The following KCNMB2 variants were observed in gnomAD, a reference collection of about 807,000 sequenced individuals.
KCNMB2 encodes calcium-activated potassium channel subunit beta-2.
Under a neutral mutation model 24.5 loss-of-function variants are expected in KCNMB2, and 9 were observed. The ratio of observed to expected loss-of-function variants is 0.37; its 90% CI spans 0.22 to 0.64. The LOEUF (loss-of-function observed/expected upper bound fraction) is 0.64, where lower values mean the gene tolerates loss of function less well. KCNMB2 is among the 30% of genes least tolerant of loss of function. The probability of loss-of-function intolerance (pLI) is 0.63; values close to 1 mark genes in which losing one functional copy is unlikely to be tolerated. For synonymous variants in KCNMB2, 109 were observed against 104.4 expected, an observed-to-expected ratio of 1.04 and a Z score of -0.27; for missense variants, 226 against 284.3, an observed-to-expected ratio of 0.79 and a Z score of 1.47.
At chr3:178,796,877 A>G (rs1051738255) in intron 1 of KCNMB2, among the ~76,000 whole-genome samples, 2 of 150,720 alleles carry the variant, frequency 1.3e-5, no homozygotes, top group Non-Finnish European at 2.9e-5. Context: ...CATTCTTAAT[A>G]AAAGAAAAGA....
In KCNMB2 at chr3:178,704,248, G is replaced by A. The variant is rs73047890; in HGVS notation, c.-67-103095G>A. Among the ~76,000 whole-genome samples the A allele has an allele frequency of 1.7e-3, 259 of 151,960 alleles. 1 individual carries two copies. The highest frequency in any genetic ancestry group is 6.0e-3 in the African/African-American group (247 of 41,442). On this transcript the variant is annotated intron_variant, in intron 1 of 4. Transcript: ENST00000452583. ...CATTTTCTGACAGTTCAAACTCATCGTGGCAGCTCCCAAGCAGAGAGGTCA... is the reference window on the plus strand; with the variant it reads ...CATTTTCTGACAGTTCAAACTCATCATGGCAGCTCCCAAGCAGAGAGGTCA...
intron 2 of KCNMB2, among the ~76,000 whole-genome samples, chr3:178,823,844 G>T (rs1180624726): frequency 2.0e-5 from 3 of 152,066 alleles, no homozygotes; most frequent in Admixed American, 2.0e-4. Context: ...CAACAAGAGC[G>T]ATTAGCCATA....
chr3:178,768,143 G>T (rs781601642), intron 1 of KCNMB2, among the ~76,000 whole-genome samples: 1 of 152,062 alleles, frequency 6.6e-6, no homozygotes, highest in African/African-American at 2.4e-5. Flanking sequence ...ATATTTTCTA[G>T]GTACTTGCTG....
chr3:178,814,312 T>C (rs1489316300), intron 2 of KCNMB2, among the ~76,000 whole-genome samples: 1 of 152,200 alleles, frequency 6.6e-6, no homozygotes, highest in Non-Finnish European at 1.5e-5. Context: ...GCAAATGACA[T>C]GATTTCATTC....
intron 1 of KCNMB2, among the ~76,000 whole-genome samples, chr3:178,566,198 GT>G (rs1462684566): frequency 6.6e-6 from 1 of 152,110 alleles, no homozygotes; most frequent in African/African-American, 2.4e-5. Flanking sequence ...AAGGTCTATG[GT>G]AGTCTATAAC....
At position 178,842,957 on chromosome 3, in the gene KCNMB2, A is replaced by G. The variant is rs766206908; in HGVS notation, c.*20A>G. On this transcript the variant is annotated 3_prime_UTR_variant, in exon 5 of 5. Coordinates refer to ENST00000452583, the MANE Select transcript of KCNMB2 (RefSeq NM_181361.3). The stretch of plus-strand genomic sequence containing the variant: ...AGATAAATGCAAAAATGGATAAAAT[A>G]ATTTTTGTTAAAGCTCAAATACTGT... 12 of 1,577,606 alleles carry G rather than the reference A, an allele frequency of 7.6e-6. No homozygotes were observed. The highest frequency in any genetic ancestry group is 1.0e-5 in the Non-Finnish European group (12 of 1,158,532).
At chr3:178,772,529 C>T (rs556834055) in intron 1 of KCNMB2, among the ~76,000 whole-genome samples, 2 of 152,282 alleles carry the variant, frequency 1.3e-5, no homozygotes, top group South Asian at 4.1e-4. Flanking sequence ...GTGTCTTTCA[C>T]CTTCTGCCAT....
intron 1 of KCNMB2, among the ~76,000 whole-genome samples, chr3:178,705,598 C>A (rs1196962231): frequency 1.3e-5 from 2 of 152,028 alleles, no homozygotes; most frequent in Non-Finnish European, 2.9e-5. Flanking sequence ...AAAATAAGTT[C>A]CAGATACATA....
intron 1 of KCNMB2, among the ~76,000 whole-genome samples, chr3:178,691,372 C>T (rs1301505359): frequency 6.6e-6 from 1 of 151,266 alleles, no homozygotes; most frequent in African/African-American, 2.4e-5. Context: ...GCTTAGTACC[C>T]ATTAGTTATT....
At chr3:178,807,670 A>T (rs998211176) in intron 2 of KCNMB2, among the ~76,000 whole-genome samples, 7 of 152,092 alleles carry the variant, frequency 4.6e-5, no homozygotes, top group African/African-American at 1.4e-4. Flanking sequence ...TAGCTTTGCA[A>T]AAGTTGTTCC....
chr3:178,749,091 T>A (rs1723760378), intron 1 of KCNMB2: 1 of 152,202 alleles, frequency 6.6e-6, no homozygotes, highest in Non-Finnish European at 1.5e-5. Context: ...AACAGCATGG[T>A]CCCGAGAGTC....
intron 1 of KCNMB2, among the ~76,000 whole-genome samples, chr3:178,631,720 TACTA>T (rs1184261566): frequency 6.6e-6 from 1 of 152,252 alleles, no homozygotes; most frequent in East Asian, 1.9e-4. Context: ...AAAATGGGAC[TACTA>T]ACTAAAATTC....
intron 1 of KCNMB2, among the ~76,000 whole-genome samples, chr3:178,712,184 C>T (rs1028765358): frequency 2.0e-5 from 3 of 152,120 alleles, no homozygotes; most frequent in Admixed American, 2.0e-4. Flanking sequence ...CACTTTTTTC[C>T]CAACAGAAAA....
At chr3:178,772,491 T>G (rs891009915) in intron 1 of KCNMB2, among the ~76,000 whole-genome samples, 4 of 152,196 alleles carry the variant, frequency 2.6e-5, no homozygotes, top group African/African-American at 9.6e-5. Flanking sequence ...GCACAAGCTC[T>G]CTTGTCTTGT....
At chr3:178,726,276 A>G (rs1182978894) in intron 1 of KCNMB2, among the ~76,000 whole-genome samples, 2 of 152,070 alleles carry the variant, frequency 1.3e-5, no homozygotes, top group East Asian at 1.9e-4. Context: ...TGAAAACCTC[A>G]TATGACAATG....
intron 1 of KCNMB2, among the ~76,000 whole-genome samples, chr3:178,749,632 G>A (rs1723777682): frequency 6.6e-6 from 1 of 152,192 alleles, no homozygotes; most frequent in South Asian, 2.1e-4. Flanking sequence ...TTGAAGATAT[G>A]ATGCTGGCAC....
At chr3:178,630,203 A>G (rs1458356307) in intron 1 of KCNMB2, among the ~76,000 whole-genome samples, 2 of 152,226 alleles carry the variant, frequency 1.3e-5, no homozygotes, top group Non-Finnish European at 2.9e-5. Context: ...CCATGACAAG[A>G]AAGATGGTAT....
chr3:178,555,287 G>A (rs545350848), intron 1 of KCNMB2, among the ~76,000 whole-genome samples: 10 of 152,276 alleles, frequency 6.6e-5, no homozygotes, highest in African/African-American at 1.4e-4. Context: ...TCCCTGTGCC[G>A]CCAGCTCCTG....
chr3:178,798,746 G>A (rs2108446055), intron 1 of KCNMB2, among the ~76,000 whole-genome samples: 1 of 152,116 alleles, frequency 6.6e-6, no homozygotes, highest in Middle Eastern at 3.4e-3. Flanking sequence ...GGGGGAGGGA[G>A]AGCATTGGGA....
Sources: allele counts gnomAD v4.1 joint callset (sites outside exome capture counted in the v4.1 genomes callset), GRCh38; gene constraint gnomAD v4.1.1; transcripts MANE v1.5; gene names NCBI Gene and HGNC (gene_info 2026-07-23, HGNC 2026-07-21).